Variants in B3GALT1 observed in about 807,000 individuals in gnomAD.
B3GALT1 encodes UDP-Gal:betaGlcNAc beta 1,3-galactosyltransferase, polypeptide 1.
In B3GALT1, 10 loss-of-function variants were observed where a neutral mutation model predicts 23.2. That is an observed-to-expected ratio of 0.43 (90% CI 0.27 to 0.73). B3GALT1 has a LOEUF of 0.73. Among genes scored for constraint, B3GALT1 ranks in the 30% least tolerant of loss-of-function variants. The pLI is 0.21. For missense variants in B3GALT1, 299 were observed against 405.4 expected (o/e 0.74, Z 2.25); for synonymous variants, 156 against 141.5 (o/e 1.10, Z -0.73).
chr2:167,586,134 A>G (rs928956334), intron 2 of B3GALT1, among the ~76,000 whole-genome samples: 1 of 149,070 alleles, frequency 6.7e-6, no homozygotes, highest in African/African-American at 2.5e-5. Flanking sequence ...TATTTTCATA[A>G]TACTTTGATT....
intron 2 of B3GALT1, among the ~76,000 whole-genome samples, chr2:167,496,017 A>T (rs2105345357): frequency 6.6e-6 from 1 of 152,362 alleles, no homozygotes; most frequent in Non-Finnish European, 1.5e-5. Context: ...GAAACATTTC[A>T]GTCATGGGAC....
intron 3 of B3GALT1, among the ~76,000 whole-genome samples, chr2:167,803,081 AACACACACACACAC>A (rs71940853): frequency 0.027 from 3,794 of 141,478 alleles, 73 homozygotes; most frequent in South Asian, 0.07. Context: ...GACCCTAACA[AACACACACACACAC>A]ACACACACAC....
At chr2:167,392,325 G>C (rs73021752) in intron 1 of B3GALT1, among the ~76,000 whole-genome samples, 1 of 151,952 alleles carries the variant, frequency 6.6e-6, no homozygotes, top group South Asian at 2.1e-4. Context: ...AATCTAAATA[G>C]GGTACTCTTT....
intron 4 of B3GALT1, among the ~76,000 whole-genome samples, chr2:167,865,661 G>A (rs536812036): frequency 1.4e-4 from 21 of 152,124 alleles, no homozygotes; most frequent in South Asian, 4.2e-4. Context: ...GCGTGGTGGC[G>A]GGTGCCTGTA....
intron 1 of B3GALT1, among the ~76,000 whole-genome samples, chr2:167,472,847 TATTTCC>T (rs1478105727): frequency 1.3e-5 from 2 of 152,158 alleles, no homozygotes; most frequent in African/African-American, 4.8e-5. Flanking sequence ...GTGATATCAG[TATTTCC>T]ATTTGTTTGG....
At chr2:167,404,216 G>A (rs1698239400) in intron 1 of B3GALT1, among the ~76,000 whole-genome samples, 1 of 152,034 alleles carries the variant, frequency 6.6e-6, no homozygotes, top group African/African-American at 2.4e-5. Flanking sequence ...CAGGTTCCAT[G>A]GGAACTAATA....
At chr2:167,658,790 A>G (rs555133384) in intron 3 of B3GALT1, among the ~76,000 whole-genome samples, 85 of 152,224 alleles carry the variant, frequency 5.6e-4, no homozygotes, top group African/African-American at 1.8e-3. Context: ...ATAGTGTACA[A>G]TATGACATAT....
chr2:167,817,052 T>C (rs569468815), intron 3 of B3GALT1, among the ~76,000 whole-genome samples: 1 of 152,202 alleles, frequency 6.6e-6, no homozygotes, highest in Non-Finnish European at 1.5e-5. Context: ...TTTGGCCAAA[T>C]AGACGTGCTC....
At chr2:167,388,762 T>C (rs1409047243) in intron 1 of B3GALT1, among the ~76,000 whole-genome samples, 2 of 152,160 alleles carry the variant, frequency 1.3e-5, no homozygotes, top group Admixed American at 6.5e-5. Flanking sequence ...AATAGAAGGA[T>C]TTGTTTAAAA....
intron 2 of B3GALT1, among the ~76,000 whole-genome samples, chr2:167,614,188 T>A (rs181988638): frequency 2.6e-5 from 4 of 151,780 alleles, no homozygotes; most frequent in African/African-American, 9.6e-5. Flanking sequence ...TGCCTTATTT[T>A]AAAAATTTAG....
intron 2 of B3GALT1, among the ~76,000 whole-genome samples, chr2:167,594,863 G>A (rs562438353): frequency 3.8e-4 from 58 of 152,100 alleles, no homozygotes; most frequent in African/African-American, 1.2e-3. Context: ...CCAAGATTGC[G>A]TGACTGCACT....
chr2:167,400,821 TG>T lies in B3GALT1; in HGVS notation c.-510-89355del, dbSNP rs1439505354. Among the ~76,000 whole-genome samples the T allele has an allele frequency of 2.0e-5, 3 of 152,238 alleles. No homozygotes were observed. The East Asian group carries it at 5.8e-4, about 29-fold the overall frequency. The stretch of plus-strand genomic sequence containing the variant: ...AATAGCTTACTAGAAAATCTGGCTT[TG>T]TGTAGGAAATGTATCCCAAAAGACT... On this transcript the variant is annotated intron_variant, in intron 1 of 4. Coordinates refer to ENST00000392690, the MANE Select transcript of B3GALT1 (RefSeq NM_020981.4).
intron 4 of B3GALT1, among the ~76,000 whole-genome samples, chr2:167,820,396 A>C (rs1299700728): frequency 6.6e-6 from 1 of 152,112 alleles, no homozygotes; most frequent in East Asian, 1.9e-4. Flanking sequence ...GGACCAGATA[A>C]CTTGGGGCTA....
chr2:167,683,616 G>A (rs1686571272), intron 3 of B3GALT1, among the ~76,000 whole-genome samples: 1 of 152,152 alleles, frequency 6.6e-6, no homozygotes, highest in South Asian at 2.1e-4. Context: ...AGCTACTCAG[G>A]AGGCTGAGAT....
chr2:167,598,639 T>C (rs191353557), intron 2 of B3GALT1, among the ~76,000 whole-genome samples: 2 of 152,306 alleles, frequency 1.3e-5, no homozygotes, highest in East Asian at 3.9e-4. Context: ...AAACTGGTTT[T>C]CTCTAACACA....
intron 1 of B3GALT1, among the ~76,000 whole-genome samples, chr2:167,448,381 T>A (rs10177399): frequency 0.14 from 20,769 of 152,154 alleles, 1,697 homozygotes; most frequent in African/African-American, 0.24. Context: ...TAGCTTTTTT[T>A]AATATGTTTG....
At chr2:167,386,894 G>T (rs1197717331) in intron 1 of B3GALT1, among the ~76,000 whole-genome samples, 1 of 152,206 alleles carries the variant, frequency 6.6e-6, no homozygotes, top group Non-Finnish European at 1.5e-5. Context: ...AGATGAAAGA[G>T]AAGACTGGAT....
At chr2:167,803,067 A>G (rs1042816306) in intron 3 of B3GALT1, among the ~76,000 whole-genome samples, 13 of 141,186 alleles carry the variant, frequency 9.2e-5, no homozygotes, top group African/African-American at 3.7e-4. Context: ...GACAATGTTC[A>G]TTTGACCCTA....
Position 167,871,323 on chromosome 2 carries a change from C to G in B3GALT1, c.*1303C>G, listed in dbSNP as rs114835036. On this transcript the variant is annotated 3_prime_UTR_variant, in exon 5 of 5. Transcript: ENST00000392690. The stretch of plus-strand genomic sequence containing the variant: ...GAGATCCTTAGCTTAAAAGGTGCTA[C>G]GTAATGCAATGTATCATGTATTATG... The G allele has an allele frequency of 6.6e-6, 1 of 152,158 alleles. No homozygotes were observed. Among genetic ancestry groups the G allele is most frequent in the South Asian group, 2.1e-4 (1 of 4,824 alleles). The allele number at this position is 152,158 out of a possible 1,614,324, so 9.4% of individuals were successfully genotyped here.
Sources: allele counts gnomAD v4.1 joint callset (sites outside exome capture counted in the v4.1 genomes callset), GRCh38; gene constraint gnomAD v4.1.1; transcripts MANE v1.5; gene names NCBI Gene and HGNC (gene_info 2026-07-23, HGNC 2026-07-21).